Variants in PRPSAP2 observed in about 807,000 individuals in gnomAD.
PRPSAP2 encodes the protein phosphoribosyl pyrophosphate synthase-associated protein 2.
In PRPSAP2, 24 loss-of-function variants were observed where a neutral mutation model predicts 40.6. The ratio of observed to expected loss-of-function variants is 0.59; its 90% CI spans 0.43 to 0.83. PRPSAP2 has a LOEUF of 0.83. Ranked by LOEUF, PRPSAP2 falls within the 40% of genes least tolerant of loss-of-function variation. The pLI, the probability that PRPSAP2 is intolerant of heterozygous loss-of-function variation, is 0.00. For synonymous variants in PRPSAP2, 149 were observed against 164.7 expected (o/e 0.90, Z 0.73); for missense variants, 292 against 465.6 (o/e 0.63, Z 3.43).
chr17:18,873,843 G>A (rs780861787), intron 5 of PRPSAP2, among the ~76,000 whole-genome samples: 14 of 152,040 alleles, frequency 9.2e-5, no homozygotes, highest in Non-Finnish European at 1.6e-4. Context: ...ATTCAATGCA[G>A]CAAGGCTGTC....
chr17:18,864,818 C>T (rs1297688551), intron 1 of PRPSAP2: 1 of 152,112 alleles, frequency 6.6e-6, no homozygotes, highest in Non-Finnish European at 1.5e-5. Flanking sequence ...CTAGCATCTC[C>T]ATTATGTGAT....
At chr17:18,896,293 A>C (rs2039899224) in intron 8 of PRPSAP2, among the ~76,000 whole-genome samples, 1 of 152,150 alleles carries the variant, frequency 6.6e-6, no homozygotes, top group Non-Finnish European at 1.5e-5. Context: ...CTGGTTGGTT[A>C]GCTTACTGGC....
At chr17:18,928,642 T>C (rs1418711015) in intron 10 of PRPSAP2, 169 bp from the exon 11 acceptor site, 3 of 769,496 alleles carry the variant, frequency 3.9e-6, no homozygotes, top group Non-Finnish European at 6.4e-6. Flanking sequence ...ACTGGAGGGC[T>C]GCCATGGGGC....
chr17:18,886,024 G>C (rs1477342131), intron 7 of PRPSAP2, among the ~76,000 whole-genome samples: 1 of 152,160 alleles, frequency 6.6e-6, no homozygotes, highest in African/African-American at 2.4e-5. Context: ...CACCTGGCCT[G>C]TATTGCCTTT....
chr17:18,917,117 C>G (rs965807964), intron 9 of PRPSAP2, among the ~76,000 whole-genome samples: 11 of 151,618 alleles, frequency 7.3e-5, no homozygotes, highest in Non-Finnish European at 1.2e-4. Flanking sequence ...ATAACATCTT[C>G]TTAATTAAAA....
rs915156631 is a variant in PRPSAP2 at position 18,887,533 on chromosome 17, T to C, written c.529-2289T>C. On this transcript the variant is annotated intron_variant, in intron 7 of 11. Transcript: ENST00000268835. ...CATGAGCCACCGTGCCTGGCCATCTTTGGGAATTTTTTTTAATCTGTTAAG... is the reference window on the plus strand; with the variant it reads ...CATGAGCCACCGTGCCTGGCCATCTCTGGGAATTTTTTTTAATCTGTTAAG... Among the ~76,000 whole-genome samples the C allele has an allele frequency of 2.0e-5, 3 of 152,204 alleles. No homozygotes were observed. In the South Asian group the frequency reaches 6.2e-4, roughly 32 times the overall value.
At chr17:18,857,480 C>T (rs1265268905), upstream of PRPSAP2, among the ~76,000 whole-genome samples, 3 of 151,892 alleles carry the variant, frequency 2.0e-5, no homozygotes, top group Non-Finnish European at 4.4e-5. Flanking sequence ...GTGGCGCGAT[C>T]TCGGCTCACT....
At chr17:18,884,346 GT>G (rs5819661) in intron 7 of PRPSAP2, among the ~76,000 whole-genome samples, 134,863 of 151,052 alleles carry the variant, frequency 0.89, 60,713 homozygotes, top group Non-Finnish European at 0.94. Context: ...AAAATTTTAT[GT>G]TTTTTTTTTG....
intron 11 of PRPSAP2, among the ~76,000 whole-genome samples, chr17:18,930,246 G>A (rs1028107332): frequency 7.9e-5 from 12 of 152,116 alleles, no homozygotes; most frequent in African/African-American, 2.4e-4. Context: ...GGTGGCGGGC[G>A]CCTGTCGTCC....
chr17:18,931,094 C>T lies in PRPSAP2; in HGVS notation c.*396C>T, dbSNP rs1168523588. On this transcript the variant is annotated 3_prime_UTR_variant, in exon 12 of 12. Coordinates refer to ENST00000268835, the MANE Select transcript of PRPSAP2 (RefSeq NM_002767.4). Reference sequence around the variant, plus strand: ...TGAAAAGCCGAAAAGATTATACTGTCAAGTCCAGTAAATGACATTTTTAGA... The same window carrying T: ...TGAAAAGCCGAAAAGATTATACTGTTAAGTCCAGTAAATGACATTTTTAGA... 1 of 154,324 alleles carries T rather than the reference C, an allele frequency of 6.5e-6. No homozygotes were observed. Among genetic ancestry groups the T allele is most frequent in the Non-Finnish European group, 1.4e-5 (1 of 69,552 alleles). The allele number at this position is 154,324 out of a possible 1,614,324, so 9.6% of individuals were successfully genotyped here.
chr17:18,885,482 C>CT (rs1214580698), intron 7 of PRPSAP2, among the ~76,000 whole-genome samples: 3 of 134,584 alleles, frequency 2.2e-5, no homozygotes, highest in African/African-American at 8.2e-5. Context: ...TTGCTTTTTT[C>CT]TTTTTTTTGG....
At chr17:18,885,727 A>G (rs2039092058) in intron 7 of PRPSAP2, among the ~76,000 whole-genome samples, 1 of 152,080 alleles carries the variant, frequency 6.6e-6, no homozygotes, top group Admixed American at 6.6e-5. Flanking sequence ...AGCTGGGGTT[A>G]CAGGCATGTG....
intron 4 of PRPSAP2, among the ~76,000 whole-genome samples, chr17:18,870,940 C>T (rs572424070): frequency 4.6e-4 from 70 of 152,050 alleles, no homozygotes; most frequent in African/African-American, 1.3e-3. Context: ...TGTGAGACAC[C>T]GCACCCAGCC....
intron 6 of PRPSAP2, among the ~76,000 whole-genome samples, chr17:18,881,168 A>G (rs573449926): frequency 7.5e-6 from 1 of 133,182 alleles, no homozygotes; most frequent in East Asian, 2.0e-4. Flanking sequence ...CAGGCATCTC[A>G]CAGTACTAAA....
chr17:18,930,391 A>G (rs941942087), intron 11 of PRPSAP2, 149 bp from the exon 12 acceptor site: 2 of 676,638 alleles, frequency 3.0e-6, no homozygotes, highest in Admixed American at 3.0e-5. Context: ...ATAAATAAAT[A>G]AATAATTGAA....
intron 1 of PRPSAP2, among the ~76,000 whole-genome samples, chr17:18,863,263 G>T (rs540764515): frequency 2.6e-5 from 4 of 151,748 alleles, no homozygotes; most frequent in South Asian, 4.2e-4. Context: ...CTCATTTTTT[G>T]ATTTTTTTGT....
intron 8 of PRPSAP2, among the ~76,000 whole-genome samples, chr17:18,899,097 T>A (rs1461172068): frequency 6.6e-6 from 1 of 151,912 alleles, no homozygotes; most frequent in Non-Finnish European, 1.5e-5. Context: ...AGAGACGGGG[T>A]TTCTCCATGT....
chr17:18,918,322 C>A (rs2041483747), intron 9 of PRPSAP2, among the ~76,000 whole-genome samples: 1 of 152,134 alleles, frequency 6.6e-6, no homozygotes, highest in South Asian at 2.1e-4. Context: ...CAGAGTGGAC[C>A]CATGATAGGC....
chr17:18,870,192 G>A (rs1009147911), intron 4 of PRPSAP2, among the ~76,000 whole-genome samples: 2 of 152,060 alleles, frequency 1.3e-5, no homozygotes, highest in Non-Finnish European at 2.9e-5. Flanking sequence ...CGCCTAGCTT[G>A]AACAGTTAAC....
Sources: allele counts gnomAD v4.1 joint callset (sites outside exome capture counted in the v4.1 genomes callset), GRCh38; gene constraint gnomAD v4.1.1; transcripts MANE v1.5; gene names NCBI Gene and HGNC (gene_info 2026-07-23, HGNC 2026-07-21).